DCAF5: variants seen among roughly 807,000 people sequenced by gnomAD.
DCAF5 encodes DDB1- and CUL4-associated factor 5.
Under a neutral mutation model 80.7 loss-of-function variants are expected in DCAF5, and 9 were observed. That is an observed-to-expected ratio of 0.11 (90% CI 0.07 to 0.19). DCAF5 has a LOEUF of 0.19. DCAF5 is among the 10% of genes least tolerant of loss of function. DCAF5 has a pLI of 1.00. For synonymous variants in DCAF5, 433 were observed against 461.9 expected (o/e 0.94, Z 0.80); for missense variants, 842 against 1,205.7 (o/e 0.70, Z 4.47).
chr14:69,084,031 ATCT>A, intron 6 of DCAF5: 2 of 780,604 alleles, frequency 2.6e-6, no homozygotes, highest in Non-Finnish European at 4.8e-6. Flanking sequence ...GAAGGCAGGG[ATCT>A]TCTTGCAGCT....
At chr14:69,084,298 C>T (rs2039232599) in intron 6 of DCAF5, 1 of 951,114 alleles carries the variant, frequency 1.1e-6, no homozygotes. Flanking sequence ...TCACTGTGGT[C>T]ACACCAGGCT....
intron 6 of DCAF5, among the ~76,000 whole-genome samples, chr14:69,082,783 A>AT (rs1444498094): frequency 6.6e-6 from 1 of 152,132 alleles, no homozygotes; most frequent in Non-Finnish European, 1.5e-5. Context: ...AAGTAACATT[A>AT]TTTTTTCTCC....
intron 8 of DCAF5, among the ~76,000 whole-genome samples, chr14:69,056,975 C>T (rs1248843961): frequency 1.3e-5 from 2 of 152,110 alleles, no homozygotes; most frequent in African/African-American, 4.8e-5. Flanking sequence ...ATAATCTTAC[C>T]CTAGAGAGTT....
At chr14:69,100,226 T>C (rs950451745) in intron 5 of DCAF5, among the ~76,000 whole-genome samples, 2 of 152,216 alleles carry the variant, frequency 1.3e-5, no homozygotes, top group African/African-American at 2.4e-5. Context: ...TTTTCCAAGT[T>C]TTTCTACAAT....
intron 7 of DCAF5, among the ~76,000 whole-genome samples, chr14:69,063,519 CCCCTCTTAGTCCCTA>C (rs2038312299): frequency 6.6e-6 from 1 of 152,180 alleles, no homozygotes. Context: ...CTCAAGGGAT[CCCCTCTTAGTCCCTA>C]CCAGGAGCAT....
intron 1 of DCAF5, among the ~76,000 whole-genome samples, chr14:69,143,690 G>A (rs1443285378): frequency 6.6e-6 from 1 of 150,944 alleles, no homozygotes; most frequent in Non-Finnish European, 1.5e-5. Context: ...TTACATTTTG[G>A]GAAGCTTATA....
chr14:69,097,177 G>C (rs144549078), intron 5 of DCAF5, among the ~76,000 whole-genome samples: 6 of 152,300 alleles, frequency 3.9e-5, no homozygotes, highest in African/African-American at 1.4e-4. Flanking sequence ...TCATGATTTA[G>C]TACTTTCTAA....
At chr14:69,129,459 A>C (rs2040973935) in intron 1 of DCAF5, among the ~76,000 whole-genome samples, 1 of 152,216 alleles carries the variant, frequency 6.6e-6, no homozygotes, top group East Asian at 1.9e-4. Context: ...GAGGGCGCTA[A>C]ACAGCTGTGC....
At chr14:69,091,214 C>A (rs1594979253) in intron 6 of DCAF5, 1 of 700,686 alleles carries the variant, frequency 1.4e-6, no homozygotes, top group East Asian at 2.7e-5. Flanking sequence ...AAGCTGCTTA[C>A]CCCATTTCAT....
In DCAF5 at chr14:69,144,303, T is replaced by A. The variant is rs539734877; in HGVS notation, c.214+8462A>T. On this transcript the variant is annotated intron_variant, in intron 1 of 8. Coordinates refer to ENST00000341516, the MANE Select transcript of DCAF5 (RefSeq NM_003861.3). ...TAAAGGGGCACAAGGCCAGGCGCGG[T>A]GGCTCACGCCTGTAATCACAGCACT... Among the ~76,000 whole-genome samples, 914 of 151,386 alleles carry A rather than the reference T, an allele frequency of 6.0e-3. 23 individuals are homozygous for A. The highest frequency in any genetic ancestry group is 0.047 in the Admixed American group (714 of 15,222).
intron 6 of DCAF5, chr14:69,084,689 G>A (rs1170801442): frequency 2.4e-5 from 31 of 1,277,984 alleles, no homozygotes; most frequent in Middle Eastern, 2.6e-4. Flanking sequence ...TTGTATGTCC[G>A]TGAAATACCA....
intron 6 of DCAF5, 54 bp from the exon 7 acceptor site, chr14:69,075,465 T>C (rs2038863710): frequency 3.5e-6 from 4 of 1,134,186 alleles, no homozygotes. Context: ...ATAGAATAAA[T>C]ACAATATGTA....
intron 6 of DCAF5, among the ~76,000 whole-genome samples, chr14:69,080,739 A>C (rs1000376989): frequency 6.6e-6 from 1 of 152,204 alleles, no homozygotes; most frequent in Non-Finnish European, 1.5e-5. Context: ...TGGTTACCCA[A>C]AATTCCTATG....
At position 69,152,625 on chromosome 14, in the gene DCAF5, C is replaced by T; in HGVS notation, c.214+140G>A. The T allele has an allele frequency of 1.5e-6, 1 of 652,954 alleles. No individual in the cohort carries two copies. Among genetic ancestry groups the T allele is most frequent in the South Asian group, 1.9e-5 (1 of 52,256 alleles). 40.4% of individuals were successfully genotyped at this position (652,954 alleles called of 1,614,324 possible). The stretch of plus-strand genomic sequence containing the variant: ...CCCCTGCAATGGTTTTAATTTGACA[C>T]CAAACCTTCCCACCGCAGAAGGGGG... On this transcript the variant is annotated intron_variant, in intron 1 of 8. Transcript: ENST00000341516. The surrounding 1 kb of genome is among the most constrained non-coding windows in gnomAD (Gnocchi z 4.1).
chr14:69,086,688 C>G (rs11158784), intron 6 of DCAF5, among the ~76,000 whole-genome samples: 106,027 of 150,806 alleles, frequency 0.7, 37,582 homozygotes, highest in East Asian at 0.97. Context: ...GTACTTACTA[C>G]TGCATTCCAT....
At chr14:69,151,906 C>G (rs2140137703) in intron 1 of DCAF5, among the ~76,000 whole-genome samples, 1 of 152,324 alleles carries the variant, frequency 6.6e-6, no homozygotes, top group South Asian at 2.1e-4. Context: ...AGAGGGAGAG[C>G]CCGGGGGCAA....
Position 69,102,107 on chromosome 14 carries a change from CT to C in DCAF5, c.666-10221del, listed in dbSNP as rs141874345. ...AATAATTAACCTTAGTTTACTATAA[CT>C]TTTTTTTTTTTTTTTTTTGAGACAA... On this transcript the variant is annotated intron_variant, in intron 5 of 8. Coordinates refer to ENST00000341516, the MANE Select transcript of DCAF5 (RefSeq NM_003861.3). 9.7e-3 allele frequency among the ~76,000 whole-genome samples: 1,289 copies of C among 133,002 alleles called. 6 individuals are homozygous for C. The highest frequency in any genetic ancestry group is 0.043 in the East Asian group (206 of 4,804). 87.3% of individuals were successfully genotyped at this position (133,002 alleles called of 152,430 possible). A position where few individuals can be genotyped will look rare whatever the true frequency, so the allele number is the denominator to read the frequency against.
At chr14:69,119,763 A>G (rs1346706636) in intron 2 of DCAF5, among the ~76,000 whole-genome samples, 1 of 151,998 alleles carries the variant, frequency 6.6e-6, no homozygotes, top group Non-Finnish European at 1.5e-5. Context: ...CCATCAAGAA[A>G]AACACTAAAT....
At chr14:69,113,435 G>GA (rs571158905) in intron 5 of DCAF5, among the ~76,000 whole-genome samples, 115 of 152,104 alleles carry the variant, frequency 7.6e-4, no homozygotes, top group Non-Finnish European at 1.3e-3. Context: ...ACCATCCCTA[G>GA]AAAAAATATG....
Sources: allele counts gnomAD v4.1 joint callset (sites outside exome capture counted in the v4.1 genomes callset), GRCh38; gene constraint gnomAD v4.1.1; non-coding constraint Gnocchi (gnomAD v3.1); transcripts MANE v1.5; gene names NCBI Gene and HGNC (gene_info 2026-07-23, HGNC 2026-07-21).